The following NRG1 variants were observed in gnomAD, a reference collection of about 807,000 sequenced individuals.
The protein encoded by NRG1 is pro-neuregulin-1, membrane-bound isoform.
NRG1 carries 18 observed loss-of-function variants against 63.8 expected under a neutral mutation model. The ratio of observed to expected loss-of-function variants is 0.28; its 90% confidence interval spans 0.19 to 0.42. NRG1 has a LOEUF of 0.42. Among genes scored for constraint, NRG1 ranks in the 10% least tolerant of loss-of-function variants. The probability of loss-of-function intolerance (pLI) is 1.00; values close to 1 mark genes in which losing one functional copy is unlikely to be tolerated. For missense variants in NRG1, 762 were observed against 814.7 expected (o/e 0.94, Z 0.79); for synonymous variants, 302 against 301.3 (o/e 1.00, Z -0.02).
intron 1 of NRG1, among the ~76,000 whole-genome samples, chr8:32,069,842 G>C (rs961437393): frequency 6.6e-6 from 1 of 152,190 alleles, no homozygotes; most frequent in Non-Finnish European, 1.5e-5. Context: ...CAGTGGTTTT[G>C]AGAACCTGAG....
At chr8:32,662,660 CATT>C (rs1803155672) in intron 5 of NRG1, among the ~76,000 whole-genome samples, 1 of 152,044 alleles carries the variant, frequency 6.6e-6, no homozygotes, top group African/African-American at 2.4e-5. Flanking sequence ...AATGTAAAGA[CATT>C]ATTGGATTAT....
chr8:32,245,098 A>G (rs1424715449), intron 1 of NRG1, among the ~76,000 whole-genome samples: 2 of 152,152 alleles, frequency 1.3e-5, no homozygotes, highest in African/African-American at 4.8e-5. Flanking sequence ...GGGCTCAGAC[A>G]GTGGTTTGTG....
At chr8:31,916,870 T>A (rs1323307225) in intron 1 of NRG1, among the ~76,000 whole-genome samples, 1 of 151,584 alleles carries the variant, frequency 6.6e-6, no homozygotes, top group Non-Finnish European at 1.5e-5. Context: ...GCACCTGTTC[T>A]TTCCTGACTT....
intron 5 of NRG1, chr8:32,646,652 T>TGG: frequency 1.0e-6 from 1 of 970,912 alleles, no homozygotes; most frequent in Non-Finnish European, 1.2e-6. Flanking sequence ...GCTGGCAAGG[T>TGG]GGGGGTGGAA....
At chr8:32,310,603 T>C (rs1175850347) in intron 1 of NRG1, among the ~76,000 whole-genome samples, 4 of 152,228 alleles carry the variant, frequency 2.6e-5, no homozygotes, top group African/African-American at 9.6e-5. Context: ...TGACTGGTTT[T>C]ATAGAACCCA....
chr8:32,238,003 C>T (rs11984953), intron 1 of NRG1, among the ~76,000 whole-genome samples: 6,699 of 152,192 alleles, frequency 0.044, 497 homozygotes, highest in African/African-American at 0.15. Context: ...ACAAATACAG[C>T]AATTGCCAAA....
At chr8:32,038,320 C>T (rs916670964) in intron 1 of NRG1, among the ~76,000 whole-genome samples, 1 of 152,074 alleles carries the variant, frequency 6.6e-6, no homozygotes, top group Non-Finnish European at 1.5e-5. Context: ...ACCATCTAGT[C>T]AGTCCCAATT....
intron 5 of NRG1, among the ~76,000 whole-genome samples, chr8:32,652,502 C>T (rs1164123902): frequency 6.6e-6 from 1 of 151,958 alleles, no homozygotes; most frequent in African/African-American, 2.4e-5. Flanking sequence ...TCCTTCCTAC[C>T]TTCCCAATTA....
At chr8:32,455,194 C>A (rs73675189) in intron 1 of NRG1, among the ~76,000 whole-genome samples, 143 of 152,282 alleles carry the variant, frequency 9.4e-4, no homozygotes, top group African/African-American at 3.3e-3. Context: ...CCGGACTTAG[C>A]CTACCCATAT....
chr8:31,712,490 G>A (rs1349201754), intron 1 of NRG1, among the ~76,000 whole-genome samples: 2 of 151,968 alleles, frequency 1.3e-5, no homozygotes, highest in South Asian at 2.1e-4. Flanking sequence ...TGATGGTCTC[G>A]ATCTCCTGAC....
intron 5 of NRG1, among the ~76,000 whole-genome samples, chr8:32,701,737 A>T (rs747064601): frequency 2.0e-5 from 3 of 152,246 alleles, no homozygotes; most frequent in Non-Finnish European, 4.4e-5. Flanking sequence ...TTTCTAATTT[A>T]TCTCTATGAT....
intron 1 of NRG1, among the ~76,000 whole-genome samples, chr8:32,268,806 T>C (rs534457995): frequency 2.6e-5 from 4 of 152,290 alleles, no homozygotes; most frequent in African/African-American, 9.6e-5. Flanking sequence ...ACCAAGTCTT[T>C]TTGTGTTCTA....
intron 1 of NRG1, among the ~76,000 whole-genome samples, chr8:31,760,056 A>C (rs1222524496): frequency 6.6e-6 from 1 of 152,166 alleles, no homozygotes; most frequent in Non-Finnish European, 1.5e-5. Context: ...TGAACCCCTC[A>C]AAGTTACCCA....
chr8:31,700,476 T>C (rs945532003), intron 1 of NRG1, among the ~76,000 whole-genome samples: 42 of 152,198 alleles, frequency 2.8e-4, no homozygotes, highest in Admixed American at 2.1e-3. Context: ...TTGTTTTCCA[T>C]TTGCTGCTGA....
intron 9 of NRG1, 40 bp from the exon 10 acceptor site, chr8:32,759,266 T>A (rs371194646): frequency 1.4e-5 from 22 of 1,603,166 alleles, no homozygotes; most frequent in Admixed American, 1.7e-5. Context: ...TTGACATGAA[T>A]CTACGTGAAT....
intron 1 of NRG1, among the ~76,000 whole-genome samples, chr8:32,381,012 C>G (rs73674675): frequency 6.6e-6 from 1 of 152,108 alleles, no homozygotes; most frequent in Non-Finnish European, 1.5e-5. Flanking sequence ...GATCTTATTT[C>G]TTCTATCAAA....
intron 1 of NRG1, among the ~76,000 whole-genome samples, chr8:31,859,287 A>G (rs1402258499): frequency 1.3e-5 from 2 of 152,206 alleles, no homozygotes; most frequent in Non-Finnish European, 2.9e-5. Flanking sequence ...AATGAAGACA[A>G]CAGCCTTACT....
chr8:31,764,706 C>T (rs1367102292), intron 1 of NRG1, among the ~76,000 whole-genome samples: 1 of 152,112 alleles, frequency 6.6e-6, no homozygotes, highest in East Asian at 1.9e-4. Flanking sequence ...AATCCATGAA[C>T]ACAATATGTA....
intron 1 of NRG1, among the ~76,000 whole-genome samples, chr8:32,134,819 A>T (rs923207680): frequency 3.9e-5 from 6 of 152,050 alleles, no homozygotes; most frequent in Admixed American, 1.3e-4. Flanking sequence ...GAGTTCCAGG[A>T]TACAGTGAGC....
Sources: gnomAD v4.1 joint callset for allele counts (sites outside exome capture counted in the v4.1 genomes callset) on GRCh38, gnomAD v4.1.1 for gene constraint, MANE v1.5 for transcripts, NCBI Gene and HGNC (gene_info 2026-07-23, HGNC 2026-07-21) for gene names.